The following RBFOX1 variants were observed in gnomAD, a reference collection of about 807,000 sequenced individuals.
RBFOX1 encodes RNA binding fox-1 homolog 1, also known as RNA binding protein fox-1 homolog 1.
RBFOX1 carries 8 observed loss-of-function variants against 57.7 expected under a neutral mutation model. The observed-to-expected ratio is 0.14, with a 90% CI of 0.08 to 0.25. RBFOX1 has a LOEUF of 0.25. Among genes scored for constraint, RBFOX1 ranks in the 10% least tolerant of loss-of-function variants. The probability of loss-of-function intolerance (pLI) is 1.00; values close to 1 mark genes in which losing one functional copy is unlikely to be tolerated. For synonymous variants in RBFOX1, 326 were observed against 222.4 expected (o/e 1.47, Z -4.15); for missense variants, 611 against 548.5 (o/e 1.11, Z -1.14).
chr16:7,178,902 T>G (rs927435844), intron 4 of RBFOX1, among the ~76,000 whole-genome samples: 1 of 152,176 alleles, frequency 6.6e-6, no homozygotes, highest in African/African-American at 2.4e-5. Flanking sequence ...TTTACTGATT[T>G]GGTTAACAAG....
intron 1 of RBFOX1, among the ~76,000 whole-genome samples, chr16:6,114,809 C>T (rs2096482394): frequency 6.6e-6 from 1 of 152,158 alleles, no homozygotes; most frequent in African/African-American, 2.4e-5. Flanking sequence ...AATTCATGTG[C>T]AAGCAGATGG....
intron 1 of RBFOX1, among the ~76,000 whole-genome samples, chr16:5,400,560 C>T (rs1457083813): frequency 6.6e-6 from 1 of 152,088 alleles, no homozygotes; most frequent in Non-Finnish European, 1.5e-5. Context: ...TGAACATATT[C>T]CCTTCTCATT....
intron 4 of RBFOX1, among the ~76,000 whole-genome samples, chr16:7,283,438 A>G (rs989135738): frequency 3.1e-4 from 47 of 152,170 alleles, no homozygotes; most frequent in African/African-American, 9.4e-4. Flanking sequence ...CACTAGGTAG[A>G]TGATGGTGCC....
In RBFOX1 at chr16:7,502,828, GC is replaced by G. The variant is rs543410673; in HGVS notation, c.28-15317del. Among the ~76,000 whole-genome samples, 51 of 152,240 alleles carry G rather than the reference GC, an allele frequency of 3.3e-4. 1 individual carries two copies. Among genetic ancestry groups the G allele is most frequent in the African/African-American group, 9.6e-4 (40 of 41,548 alleles). On this transcript the variant is annotated intron_variant, in intron 4 of 15. Coordinates refer to ENST00000550418, the MANE Select transcript of RBFOX1 (RefSeq NM_018723.4). ...CATCTGAGGTCAGGGTTTGAGACCA[GC>G]CTGGCCAACATGGTGAAACTCCCTG...
At chr16:6,461,417 G>C (rs1018442111) in intron 2 of RBFOX1, among the ~76,000 whole-genome samples, 1 of 152,144 alleles carries the variant, frequency 6.6e-6, no homozygotes, top group Non-Finnish European at 1.5e-5. Flanking sequence ...TATGAATTTT[G>C]AGGGCTACTA....
chr16:6,662,715 A>G (rs2098709140), intron 3 of RBFOX1, among the ~76,000 whole-genome samples: 1 of 152,266 alleles, frequency 6.6e-6, no homozygotes, highest in East Asian at 1.9e-4. Flanking sequence ...TTTGACCAAG[A>G]GACCCAGAGC....
intron 2 of RBFOX1, among the ~76,000 whole-genome samples, chr16:6,395,114 C>T (rs891940566): frequency 5.9e-5 from 9 of 152,126 alleles, no homozygotes; most frequent in Admixed American, 5.2e-4. Context: ...TCACTGTCAC[C>T]GAAGGGTTTG....
chr16:7,260,181 T>C (rs1197184628), intron 4 of RBFOX1, among the ~76,000 whole-genome samples: 1 of 152,230 alleles, frequency 6.6e-6, no homozygotes, highest in African/African-American at 2.4e-5. Context: ...AAGACTTTCA[T>C]ATCATTATGG....
At chr16:6,806,022 A>C (rs1016016342) in intron 3 of RBFOX1, among the ~76,000 whole-genome samples, 2 of 152,220 alleles carry the variant, frequency 1.3e-5, no homozygotes, top group Admixed American at 1.3e-4. Context: ...ATTCATACTC[A>C]AAATATTTGC....
chr16:5,347,500 C>T (rs1022831321), intron 1 of RBFOX1, among the ~76,000 whole-genome samples: 14 of 152,112 alleles, frequency 9.2e-5, no homozygotes, highest in African/African-American at 3.1e-4. Flanking sequence ...AGGATCATGT[C>T]ATGTGTCTTC....
intron 10 of RBFOX1, among the ~76,000 whole-genome samples, chr16:7,630,312 C>T (rs956584051): frequency 2.6e-5 from 4 of 152,054 alleles, no homozygotes; most frequent in East Asian, 3.9e-4. Flanking sequence ...CAGTATGCCA[C>T]GCTGCTTCCA....
intron 2 of RBFOX1, among the ~76,000 whole-genome samples, chr16:5,532,804 G>A (rs1213855077): frequency 1.3e-5 from 2 of 152,130 alleles, no homozygotes; most frequent in Admixed American, 1.3e-4. Context: ...TGGGTTGTGA[G>A]GCAGAGAGAA....
At position 6,618,086 on chromosome 16, in the gene RBFOX1, C is replaced by T. The variant is rs75465841; in HGVS notation, c.-63-36517C>T. On this transcript the variant is annotated intron_variant, in intron 2 of 15. Transcript: ENST00000550418. Reference sequence around the variant, plus strand: ...TTGTGTTTGTTTCTGCTGCTCTAGGCGGGAATCCCATCCCCTTTCTTCCAC... The same window carrying T: ...TTGTGTTTGTTTCTGCTGCTCTAGGTGGGAATCCCATCCCCTTTCTTCCAC... Among the ~76,000 whole-genome samples, 294 of 152,152 alleles carry T rather than the reference C, an allele frequency of 1.9e-3. 1 individual carries two copies. Among genetic ancestry groups the T allele is most frequent in the African/African-American group, 6.7e-3 (278 of 41,508 alleles).
intron 3 of RBFOX1, among the ~76,000 whole-genome samples, chr16:6,694,792 T>C (rs1051574705): frequency 1.3e-5 from 2 of 152,180 alleles, no homozygotes; most frequent in Non-Finnish European, 2.9e-5. Flanking sequence ...GCAAGGGCTT[T>C]TCCGTGCATC....
chr16:7,029,471 T>G (rs374526030), intron 3 of RBFOX1, among the ~76,000 whole-genome samples: 3 of 151,140 alleles, frequency 2.0e-5, no homozygotes, highest in African/African-American at 7.3e-5. Context: ...TGGAATAGAG[T>G]TTGGTTTAGG....
intron 3 of RBFOX1, among the ~76,000 whole-genome samples, chr16:5,691,088 G>C (rs1345556321): frequency 6.6e-6 from 1 of 152,228 alleles, no homozygotes; most frequent in East Asian, 1.9e-4. Flanking sequence ...GTGGCTCTCT[G>C]AAGAGGCTGT....
chr16:6,907,562 G>C (rs1174111540), intron 3 of RBFOX1, among the ~76,000 whole-genome samples: 1 of 151,998 alleles, frequency 6.6e-6, no homozygotes, highest in East Asian at 1.9e-4. Flanking sequence ...TTCTGTTTTT[G>C]TTTGTATGTT....
intron 2 of RBFOX1, among the ~76,000 whole-genome samples, chr16:6,441,392 C>G (rs1205020513): frequency 6.6e-6 from 1 of 151,716 alleles, no homozygotes; most frequent in Non-Finnish European, 1.5e-5. Context: ...GTTTTATTTT[C>G]TTGTTTTTTT....
chr16:7,657,994 A>G (rs1256423139), intron 12 of RBFOX1, among the ~76,000 whole-genome samples: 4 of 149,504 alleles, frequency 2.7e-5, no homozygotes, highest in African/African-American at 1.0e-4. Context: ...TGGATAGCTT[A>G]CTTAACGTCT....
Sources: gnomAD v4.1 joint callset for allele counts (sites outside exome capture counted in the v4.1 genomes callset) on GRCh38, gnomAD v4.1.1 for gene constraint, MANE v1.5 for transcripts, NCBI Gene and HGNC (gene_info 2026-07-23, HGNC 2026-07-21) for gene names.